The following RETREG1 variants were observed in gnomAD, a reference collection of about 807,000 sequenced individuals.
The protein encoded by RETREG1 is family with sequence similarity 134 member B.
RETREG1 carries 44 observed loss-of-function variants against 54.8 expected under a neutral mutation model. The observed-to-expected ratio is 0.80, with a 90% CI of 0.63 to 1.03. The LOEUF is 1.03. Among genes scored for constraint, RETREG1 ranks in the 50% least tolerant of loss-of-function variants. The pLI, the probability that RETREG1 is intolerant of heterozygous loss-of-function variation, is 0.00. For missense variants in RETREG1, 554 were observed against 605.1 expected (o/e 0.92, Z 0.89); for synonymous variants, 217 against 238.5 (o/e 0.91, Z 0.83).
intron 3 of RETREG1, among the ~76,000 whole-genome samples, chr5:16,515,657 C>T (rs970960343): frequency 6.6e-6 from 1 of 152,132 alleles, no homozygotes; most frequent in Non-Finnish European, 1.5e-5. Context: ...AATAATGTCA[C>T]CAAGTCAACG....
intron 3 of RETREG1, among the ~76,000 whole-genome samples, chr5:16,545,443 G>A (rs137938731): frequency 1.3e-3 from 194 of 152,238 alleles, no homozygotes; most frequent in African/African-American, 4.3e-3. Context: ...TGGTGTCCTT[G>A]TCTTTGAAAG....
chr5:16,585,416 A>AAGG lies in RETREG1; in HGVS notation c.321-13315_321-13314insCCT, dbSNP rs1435333312. Among the ~76,000 whole-genome samples the AAGG allele has an allele frequency of 6.6e-6, 1 of 152,180 alleles. No individual in the cohort carries two copies. Among genetic ancestry groups the AAGG allele is most frequent in the Non-Finnish European group, 1.5e-5 (1 of 68,020 alleles). On this transcript the variant is annotated intron_variant, in intron 1 of 8. Transcript: ENST00000306320. This position sits in a 1 kb window ranked among gnomAD's most constrained non-coding sequence, Gnocchi z 4.5. ...CTCTACTGTGCACCCTTGCACTGGA[A>AAGG]TTATGAGAAAAGCCATGGGTAAATC...
chr5:16,559,707 T>A (rs1473424094), intron 3 of RETREG1, among the ~76,000 whole-genome samples: 1 of 152,262 alleles, frequency 6.6e-6, no homozygotes, highest in African/African-American at 2.4e-5. Flanking sequence ...ATAACATACT[T>A]GGAAAAACCT....
intron 3 of RETREG1, among the ~76,000 whole-genome samples, chr5:16,525,337 A>C (rs1432878574): frequency 1.4e-5 from 2 of 137,966 alleles, no homozygotes; most frequent in South Asian, 2.5e-4. Context: ...GTGCGCGGGT[A>C]ACACTGTGCT....
chr5:16,530,742 G>A (rs1047174705), intron 3 of RETREG1, among the ~76,000 whole-genome samples: 11 of 152,088 alleles, frequency 7.2e-5, no homozygotes, highest in Middle Eastern at 3.4e-3. Context: ...GTGTGGAGGC[G>A]TGCACTTGTA....
chr5:16,518,258 T>C (rs1460931999), intron 3 of RETREG1, among the ~76,000 whole-genome samples: 1 of 148,266 alleles, frequency 6.7e-6, no homozygotes, highest in African/African-American at 2.4e-5. Flanking sequence ...ATTATGGATT[T>C]ATATACTGAT....
chr5:16,610,503 A>T (rs1168957345), intron 1 of RETREG1, among the ~76,000 whole-genome samples: 1 of 152,166 alleles, frequency 6.6e-6, no homozygotes, highest in African/African-American at 2.4e-5. Context: ...TTTGCAATCT[A>T]CTCATCTGAC....
intron 3 of RETREG1, among the ~76,000 whole-genome samples, chr5:16,531,797 TTTAACAAA>T (rs1441665763): frequency 6.6e-6 from 1 of 152,198 alleles, no homozygotes; most frequent in African/African-American, 2.4e-5. Flanking sequence ...AGGAGATTCC[TTTAACAAA>T]TTAGCCTGTG....
chr5:16,595,058 G>A (rs1286304021), intron 1 of RETREG1, among the ~76,000 whole-genome samples: 1 of 152,076 alleles, frequency 6.6e-6, no homozygotes, highest in Non-Finnish European at 1.5e-5. Context: ...TTTTCTCCAT[G>A]TGCAAAGATG....
chr5:16,540,756 C>T (rs986687389), intron 3 of RETREG1, among the ~76,000 whole-genome samples: 1 of 152,174 alleles, frequency 6.6e-6, no homozygotes, highest in Non-Finnish European at 1.5e-5. Context: ...ACAGGCCTCC[C>T]AAGGACCTGA....
intron 3 of RETREG1, among the ~76,000 whole-genome samples, chr5:16,512,186 A>G (rs543332930): frequency 6.6e-6 from 1 of 152,318 alleles, no homozygotes; most frequent in Admixed American, 6.5e-5. Flanking sequence ...CACAGAATTC[A>G]GATGTGGGAG....
chr5:16,530,053 T>C (rs1245167153), intron 3 of RETREG1, among the ~76,000 whole-genome samples: 2 of 152,234 alleles, frequency 1.3e-5, no homozygotes, highest in East Asian at 3.8e-4. Context: ...TTCACTCTTA[T>C]GCCTGCTCCT....
chr5:16,574,870 G>A (rs1026348248), intron 1 of RETREG1, among the ~76,000 whole-genome samples: 103 of 152,210 alleles, frequency 6.8e-4, no homozygotes, highest in African/African-American at 2.3e-3. Context: ...ATAAAATGCC[G>A]CAGTCCATGT....
chr5:16,580,126 T>C (rs947877838), intron 1 of RETREG1, among the ~76,000 whole-genome samples: 5 of 152,210 alleles, frequency 3.3e-5, no homozygotes, highest in Admixed American at 2.6e-4. Flanking sequence ...TTCAAACCTA[T>C]GGACTTTAGT....
rs540896627 is a variant in RETREG1, at chr5:16,589,684, T to C, written c.321-17582A>G. The stretch of plus-strand genomic sequence containing the variant: ...CCCAGGCCCAATGCAAGTCTTCTTT[T>C]CTACCTGCCAGCATGGAAGGGGAGA... On this transcript the variant is annotated intron_variant, in intron 1 of 8. Coordinates refer to ENST00000306320, the MANE Select transcript of RETREG1 (RefSeq NM_001034850.3). Among the ~76,000 whole-genome samples, 6 of 152,350 alleles carry C rather than the reference T, an allele frequency of 3.9e-5. No individual in the cohort carries two copies. In the East Asian group the frequency reaches 1.2e-3, roughly 29 times the overall value.
Position 16,509,048 on chromosome 5 carries a change from T to TC in RETREG1, c.459-25577_459-25576insG, listed in dbSNP as rs1275713716. ...TTTTTCTTCCCCCGGCTTTTTTTTT[T>TC]TTTTTTCTGGCATGACTAGGCACCC... On this transcript the variant is annotated intron_variant, in intron 3 of 8. Coordinates refer to ENST00000306320, the MANE Select transcript of RETREG1 (RefSeq NM_001034850.3). The TC allele has an allele frequency of 9.1e-6, 9 of 992,758 alleles. No homozygotes were observed. The African/African-American group carries it at 1.6e-4, about 17-fold the overall frequency. The allele number at this position is 992,758 out of a possible 1,614,324, so 61.5% of individuals were successfully genotyped here.
intron 3 of RETREG1, among the ~76,000 whole-genome samples, chr5:16,533,259 G>T (rs1247888805): frequency 1.3e-5 from 2 of 152,114 alleles, no homozygotes; most frequent in African/African-American, 4.8e-5. Context: ...TAGCCAGGAT[G>T]GTCTTGATCT....
intron 6 of RETREG1, 36 bp from the exon 7 acceptor site, chr5:16,478,134 T>C (rs1398479642): frequency 2.1e-6 from 3 of 1,410,008 alleles, no homozygotes; most frequent in Admixed American, 3.4e-5. Flanking sequence ...TTCAGTTTCC[T>C]AGCCAACTCA....
chr5:16,542,384 C>T (rs1415059245), intron 3 of RETREG1, among the ~76,000 whole-genome samples: 1 of 152,222 alleles, frequency 6.6e-6, no homozygotes, highest in Non-Finnish European at 1.5e-5. Context: ...ACAACAGTAG[C>T]AGGTGACAGG....
Sources: allele counts gnomAD v4.1 joint callset (sites outside exome capture counted in the v4.1 genomes callset), GRCh38; gene constraint gnomAD v4.1.1; non-coding constraint Gnocchi (gnomAD v3.1); transcripts MANE v1.5; gene names NCBI Gene and HGNC (gene_info 2026-07-23, HGNC 2026-07-21).